RORA: variants seen among roughly 807,000 people sequenced by gnomAD.
The protein encoded by RORA is RAR related orphan receptor A, also known as nuclear receptor ROR-alpha.
Under a neutral mutation model 69.5 loss-of-function variants are expected in RORA, and 7 were observed. The ratio of observed to expected loss-of-function variants is 0.10; its 90% CI spans 0.06 to 0.19. RORA has a LOEUF of 0.19. RORA is among the 10% of genes least tolerant of loss of function. The pLI is 1.00. For synonymous variants in RORA, 261 were observed against 240.8 expected (o/e 1.08, Z -0.78); for missense variants, 457 against 663.0 (o/e 0.69, Z 3.41).
At chr15:60,769,805 A>G (rs1051607047) in intron 1 of RORA, among the ~76,000 whole-genome samples, 1 of 151,956 alleles carries the variant, frequency 6.6e-6, no homozygotes, top group African/African-American at 2.4e-5. Flanking sequence ...TTAGCCACCC[A>G]TTGTCCCCCT....
intron 1 of RORA, among the ~76,000 whole-genome samples, chr15:60,955,596 A>G (rs780934269): frequency 6.6e-6 from 1 of 152,234 alleles, no homozygotes; most frequent in Admixed American, 6.5e-5. Flanking sequence ...TGGGAATTCA[A>G]CACAATAAGA....
intron 1 of RORA, among the ~76,000 whole-genome samples, chr15:60,768,289 G>T (rs2072020070): frequency 6.6e-6 from 1 of 152,148 alleles, no homozygotes; most frequent in East Asian, 1.9e-4. Context: ...AAACTTGCTG[G>T]GCATGGAACA....
At position 60,567,002 on chromosome 15, in the gene RORA, G is replaced by A. The variant is rs552900046; in HGVS notation, c.197-35151C>T. Among the ~76,000 whole-genome samples, 27 of 152,220 alleles carry A rather than the reference G, an allele frequency of 1.8e-4. 1 individual carries two copies. The highest frequency in any genetic ancestry group is 1.7e-3 in the Admixed American group (26 of 15,300). ...ACAGAAAGGAGTCTGTTTAGATTAC[G>A]TGTGAGAGCTCATCTGTCCAATGTT... On this transcript the variant is annotated intron_variant, in intron 2 of 10. Transcript: ENST00000335670.
intron 1 of RORA, among the ~76,000 whole-genome samples, chr15:60,923,398 G>C (rs1892108929): frequency 6.6e-6 from 1 of 152,156 alleles, no homozygotes. Flanking sequence ...CTGGCACATA[G>C]TGGGCCCTCA....
chr15:61,110,299 G>A (rs1040988260), intron 1 of RORA, among the ~76,000 whole-genome samples: 3 of 152,028 alleles, frequency 2.0e-5, no homozygotes, highest in Admixed American at 6.6e-5. Flanking sequence ...GGGAGGCTGA[G>A]GTGGAGAATC....
intron 1 of RORA, among the ~76,000 whole-genome samples, chr15:60,965,394 G>A (rs1893527014): frequency 6.6e-6 from 1 of 152,154 alleles, no homozygotes; most frequent in Admixed American, 6.5e-5. Context: ...GTTGTCCCAA[G>A]GCCCAGTAGT....
At chr15:60,589,488 C>T (rs763136153) in intron 2 of RORA, among the ~76,000 whole-genome samples, 5 of 152,210 alleles carry the variant, frequency 3.3e-5, no homozygotes, top group Non-Finnish European at 5.9e-5. Flanking sequence ...ACTCCGCTGC[C>T]GCGTGACATC....
At chr15:60,879,671 G>A (rs962785324) in intron 1 of RORA, among the ~76,000 whole-genome samples, 1 of 152,180 alleles carries the variant, frequency 6.6e-6, no homozygotes, top group Admixed American at 6.5e-5. Flanking sequence ...AAGAGGACAC[G>A]AAGTGGCACC....
chr15:60,608,920 T>C (rs909920713), intron 2 of RORA, among the ~76,000 whole-genome samples: 6 of 152,334 alleles, frequency 3.9e-5, no homozygotes, highest in East Asian at 1.9e-4. Flanking sequence ...TTACAGTCTC[T>C]GGTCCTTTCT....
chr15:60,934,331 G>GAC (rs1892457957), intron 1 of RORA, among the ~76,000 whole-genome samples: 1 of 152,144 alleles, frequency 6.6e-6, no homozygotes, highest in African/African-American at 2.4e-5. Flanking sequence ...CAAGAGACTA[G>GAC]ACCAGTATTC....
chr15:61,027,307 C>T (rs919099493), intron 1 of RORA, among the ~76,000 whole-genome samples: 4 of 152,154 alleles, frequency 2.6e-5, no homozygotes, highest in Admixed American at 2.0e-4. Flanking sequence ...GGCCTGAAAA[C>T]GTATTAACTG....
intron 1 of RORA, among the ~76,000 whole-genome samples, chr15:60,842,682 G>A (rs774011944): frequency 6.6e-6 from 1 of 152,044 alleles, no homozygotes; most frequent in African/African-American, 2.4e-5. Flanking sequence ...GCCCTGTGCT[G>A]CTGTCACACC....
chr15:60,880,420 C>A (rs1472739755), intron 1 of RORA, among the ~76,000 whole-genome samples: 1 of 152,186 alleles, frequency 6.6e-6, no homozygotes, highest in Non-Finnish European at 1.5e-5. Flanking sequence ...GCGGGCAGAT[C>A]ACGAGGTCAG....
At position 60,537,697 on chromosome 15, in the gene RORA, C is replaced by T. The variant is rs1044205204; in HGVS notation, c.197-5846G>A. ...TATAGCTGCATCCTATGCAAACTAA[C>T]GATGAACTTGTTTGGCCACTTGGTC... is the stretch of plus-strand genomic sequence containing the variant. On this transcript the variant is annotated intron_variant, in intron 2 of 10. Transcript: ENST00000335670. This position sits in a 1 kb window ranked among gnomAD's most constrained non-coding sequence, Gnocchi z 4.9. Among the ~76,000 whole-genome samples the T allele has an allele frequency of 6.6e-6, 1 of 152,184 alleles. No individual in the cohort carries two copies. Among genetic ancestry groups the T allele is most frequent in the Non-Finnish European group, 1.5e-5 (1 of 68,022 alleles).
intron 1 of RORA, among the ~76,000 whole-genome samples, chr15:61,042,355 G>A (rs911456131): frequency 3.3e-5 from 5 of 151,878 alleles, no homozygotes; most frequent in African/African-American, 1.2e-4. Flanking sequence ...AAGGGTGCCT[G>A]GTCACCCTAG....
At chr15:60,755,239 G>T (rs553134299) in intron 1 of RORA, among the ~76,000 whole-genome samples, 72 of 149,512 alleles carry the variant, frequency 4.8e-4, no homozygotes, top group Middle Eastern at 3.4e-3. Context: ...GTGGTGTTTG[G>T]TTTTTTGTCC....
intron 1 of RORA, among the ~76,000 whole-genome samples, chr15:60,761,175 C>A (rs1049453872): frequency 3.3e-5 from 5 of 152,134 alleles, no homozygotes; most frequent in African/African-American, 1.2e-4. Context: ...CTCTTCGAAG[C>A]AGCAGGATGG....
At chr15:60,653,770 C>T (rs902091029) in intron 2 of RORA, among the ~76,000 whole-genome samples, 1 of 134,856 alleles carries the variant, frequency 7.4e-6, no homozygotes, top group African/African-American at 2.8e-5. Flanking sequence ...CTGTTTCAGC[C>T]ACCTTGTCTC....
At chr15:61,183,060 G>A (rs754094726) in intron 1 of RORA, 2 of 152,300 alleles carry the variant, frequency 1.3e-5, no homozygotes, top group Non-Finnish European at 1.5e-5. Context: ...GACGCTGGCA[G>A]AAGAATGAGT....
Sources: allele counts gnomAD v4.1 joint callset (sites outside exome capture counted in the v4.1 genomes callset), GRCh38; gene constraint gnomAD v4.1.1; non-coding constraint Gnocchi (gnomAD v3.1); transcripts MANE v1.5; gene names NCBI Gene and HGNC (gene_info 2026-07-23, HGNC 2026-07-21).